Variants in NOTCH2NLB observed in about 807,000 individuals in gnomAD.
NOTCH2NLB encodes notch 2 N-terminal like B.
In NOTCH2NLB, 1 loss-of-function variant was observed where a neutral mutation model predicts 14.8. That is an observed-to-expected ratio of 0.07 (90% CI 0.02 to 0.32). NOTCH2NLB has a LOEUF of 0.32. Ranked by LOEUF, NOTCH2NLB falls within the 10% of genes least tolerant of loss-of-function variation. The pLI, the probability that NOTCH2NLB is intolerant of heterozygous loss-of-function variation, is 1.00. For missense variants in NOTCH2NLB, 11 were observed against 155.0 expected, an observed-to-expected ratio of 0.07 and a Z score of 4.93; for synonymous variants, 6 against 57.5, an observed-to-expected ratio of 0.10 and a Z score of 4.05.
intron 2 of NOTCH2NLB, among the ~76,000 whole-genome samples, chr1:148,638,812 G>T (rs1218666948): frequency 2.0e-5 from 3 of 147,698 alleles, no homozygotes; most frequent in Non-Finnish European, 3.0e-5. Context: ...TACATTCCTG[G>T]TAAGAAATAA....
At chr1:148,638,320 T>C (rs1664263075) in intron 2 of NOTCH2NLB, among the ~76,000 whole-genome samples, 3 of 149,270 alleles carry the variant, frequency 2.0e-5, no homozygotes, top group African/African-American at 7.5e-5. Context: ...GCATTAACTA[T>C]GCAAAAAATG....
the NOTCH2NLB span, among the ~76,000 whole-genome samples, chr1:148,703,150 C>T: frequency 3.4e-5 from 1 of 29,576 alleles, no homozygotes. Context: ...ATTAGCCGGG[C>T]ATGGTGGCGG....
intron 2 of NOTCH2NLB, among the ~76,000 whole-genome samples, chr1:148,633,542 G>A (rs1468486224): frequency 2.4e-5 from 1 of 41,484 alleles, no homozygotes; most frequent in Non-Finnish European, 4.0e-5. Flanking sequence ...CACAGAGCGA[G>A]ACTCTGTCTC....
intron 1 of NOTCH2NLB, among the ~76,000 whole-genome samples, chr1:148,645,648 T>C (rs1168681563): frequency 6.8e-6 from 1 of 147,490 alleles, no homozygotes; most frequent in Non-Finnish European, 1.5e-5. Context: ...GTGTTTCCAC[T>C]GATTTCTGCC....
intron 3 of NOTCH2NLB, among the ~76,000 whole-genome samples, chr1:148,613,117 T>C (rs1250727025): frequency 1.4e-5 from 2 of 148,074 alleles, no homozygotes; most frequent in African/African-American, 5.1e-5. Context: ...TCCTTTATCA[T>C]GTGACATAAG....
the NOTCH2NLB span, among the ~76,000 whole-genome samples, chr1:148,700,072 CT>C: frequency 4.7e-5 from 4 of 84,426 alleles, 1 homozygote; most frequent in African/African-American, 1.1e-4. Context: ...GTTGTTCCCC[CT>C]ATGTGTCCAT....
chr1:148,670,364 C>G (rs1377259324), intron 1 of NOTCH2NLB, among the ~76,000 whole-genome samples: 4 of 144,538 alleles, frequency 2.8e-5, no homozygotes, highest in African/African-American at 9.9e-5. Context: ...ACAAACGCCA[C>G]TGATGATATG....
intron 1 of NOTCH2NLB, among the ~76,000 whole-genome samples, chr1:148,670,502 T>C (rs1319052571): frequency 2.2e-5 from 3 of 136,792 alleles, no homozygotes; most frequent in Admixed American, 1.4e-4. Context: ...TGTGTGCATA[T>C]ATATATATGT....
chr1:148,661,698 T>C (rs1664691723), intron 1 of NOTCH2NLB, among the ~76,000 whole-genome samples: 1 of 146,320 alleles, frequency 6.8e-6, no homozygotes, highest in African/African-American at 2.5e-5. Context: ...ATGTGCTAGA[T>C]AAAAGTGGCC....
intron 2 of NOTCH2NLB, among the ~76,000 whole-genome samples, chr1:148,636,945 AGTTT>A (rs1478186488): frequency 1.4e-5 from 2 of 145,592 alleles, no homozygotes; most frequent in East Asian, 3.9e-4. Context: ...TCTCTCAAGG[AGTTT>A]GTTTCCCTCA....
intron 1 of NOTCH2NLB, among the ~76,000 whole-genome samples, chr1:148,650,447 T>A (rs1267894346): frequency 6.7e-6 from 1 of 148,162 alleles, no homozygotes; most frequent in Non-Finnish European, 1.5e-5. Context: ...GTGAATAGTA[T>A]TCCTGTACCC....
chr1:148,609,689 TC>T lies in NOTCH2NLB; in HGVS notation c.338-1945del, dbSNP rs1663622874. Reference sequence around the variant, plus strand: ...TAGGAAAGTATCTAAATCTCTGACCTCATAGAAAGGTAAATGGGAGACACAA... The same window carrying T: ...TAGGAAAGTATCTAAATCTCTGACCTATAGAAAGGTAAATGGGAGACACAA... On this transcript the variant is annotated intron_variant, in intron 3 of 4. Coordinates refer to ENST00000593495, the Ensembl canonical transcript of NOTCH2NLB. Among the ~76,000 whole-genome samples, 2 of 137,268 alleles carry T rather than the reference TC, an allele frequency of 1.5e-5. 1 individual carries two copies. Among genetic ancestry groups the T allele is most frequent in the South Asian group, 4.7e-4 (2 of 4,284 alleles). 90.1% of individuals were successfully genotyped at this position (137,268 alleles called of 152,430 possible). A position where few individuals can be genotyped will look rare whatever the true frequency, so the allele number is the denominator to read the frequency against.
chr1:148,693,068 C>T, the NOTCH2NLB span, among the ~76,000 whole-genome samples: 2 of 134,044 alleles, frequency 1.5e-5, no homozygotes, highest in African/African-American at 6.3e-5. Context: ...GGATTCTCTG[C>T]CGCTAGGAAG....
chr1:148,679,673 C>T lies in NOTCH2NLB; in HGVS notation c.-209G>A, dbSNP rs1664896905. ...CTGGCGCTACGCTCCGAAGCCCAGG[C>T]GCAAATGCCTCGACTCCCCGCGCCC... On this transcript the variant is annotated 5_prime_UTR_variant, in exon 1 of 5. Coordinates refer to ENST00000593495, the Ensembl canonical transcript of NOTCH2NLB. 6.8e-6 allele frequency: 7 copies of T among 1,026,546 alleles called. 3 individuals carry two copies. The highest frequency in any genetic ancestry group is 6.1e-6 in the Non-Finnish European group (5 of 814,814). 63.6% of individuals were successfully genotyped at this position (1,026,546 alleles called of 1,614,324 possible).
chr1:148,605,465 A>G (rs1330056464), downstream of NOTCH2NLB, among the ~76,000 whole-genome samples: 2 of 144,062 alleles, frequency 1.4e-5, no homozygotes, highest in East Asian at 3.9e-4. Flanking sequence ...CAGTGAGTAA[A>G]TAAGTGTCTT....
the NOTCH2NLB span, among the ~76,000 whole-genome samples, chr1:148,704,392 T>G: frequency 3.3e-5 from 1 of 30,706 alleles, no homozygotes; most frequent in Non-Finnish European, 5.2e-5. Flanking sequence ...GTAAGTGCAC[T>G]GTGAAGCACA....
the NOTCH2NLB span, among the ~76,000 whole-genome samples, chr1:148,694,577 C>A: frequency 1.3e-5 from 1 of 76,258 alleles, no homozygotes; most frequent in Non-Finnish European, 2.9e-5. Context: ...TCATGCCATT[C>A]TCCTGCCTCA....
At chr1:148,694,383 GC>G in the NOTCH2NLB span, among the ~76,000 whole-genome samples, 1 of 107,616 alleles carries the variant, frequency 9.3e-6, no homozygotes, top group Non-Finnish European at 2.0e-5. Flanking sequence ...GCATTGATCT[GC>G]CTGAGATAAA....
At chr1:148,636,556 AT>A (rs1664202138) in intron 2 of NOTCH2NLB, among the ~76,000 whole-genome samples, 1 of 96,600 alleles carries the variant, frequency 1.0e-5, no homozygotes, top group Non-Finnish European at 1.9e-5. Flanking sequence ...GCCTGATAGA[AT>A]TTTTATAAAT....
Sources: gnomAD v4.1 joint callset for allele counts (sites outside exome capture counted in the v4.1 genomes callset) on GRCh38, gnomAD v4.1.1 for gene constraint, MANE v1.5 for transcripts, NCBI Gene and HGNC (gene_info 2026-07-23, HGNC 2026-07-21) for gene names.